The following TAF15 variants were observed in gnomAD, a reference collection of about 807,000 sequenced individuals.
TAF15 encodes the protein TATA-box binding protein associated factor 15.
Under a neutral mutation model 102.5 loss-of-function variants are expected in TAF15, and 37 were observed. That is an observed-to-expected ratio of 0.36 (90% CI 0.28 to 0.47). The LOEUF (loss-of-function observed/expected upper bound fraction) is 0.47, where lower values mean the gene tolerates loss of function less well. Ranked by LOEUF, TAF15 falls within the 20% of genes least tolerant of loss-of-function variation. TAF15 has a pLI of 0.99. For missense variants in TAF15, 652 were observed against 760.7 expected (o/e 0.86, Z 1.68); for synonymous variants, 273 against 259.2 (o/e 1.05, Z -0.51).
intron 6 of TAF15, among the ~76,000 whole-genome samples, chr17:35,823,413 T>TG (rs2087286796): frequency 6.6e-6 from 1 of 151,966 alleles, no homozygotes; most frequent in African/African-American, 2.4e-5. Context: ...CTTTTAAGAT[T>TG]GGGGGGCCGG....
intron 10 of TAF15, among the ~76,000 whole-genome samples, chr17:35,837,669 T>C (rs951136486): frequency 4.0e-5 from 6 of 151,436 alleles, no homozygotes; most frequent in African/African-American, 1.5e-4. Flanking sequence ...CTACTGAAAA[T>C]ACAAGAAATT....
At chr17:35,821,425 G>T (rs540390730) in intron 5 of TAF15, among the ~76,000 whole-genome samples, 27 of 152,318 alleles carry the variant, frequency 1.8e-4, no homozygotes, top group African/African-American at 5.8e-4. Context: ...AGTCTGAAAA[G>T]AAATGTTAAG....
At chr17:35,837,579 G>C (rs1437430227) in intron 10 of TAF15, among the ~76,000 whole-genome samples, 2 of 152,074 alleles carry the variant, frequency 1.3e-5, no homozygotes, top group African/African-American at 4.8e-5. Context: ...TGTAATCCCA[G>C]CACTTTGGGA....
chr17:35,831,450 A>G (rs1340412931), intron 7 of TAF15, among the ~76,000 whole-genome samples: 2 of 151,644 alleles, frequency 1.3e-5, no homozygotes, highest in East Asian at 3.9e-4. Flanking sequence ...TATATGGAGG[A>G]ATAGGAAATC....
At chr17:35,832,691 GT>G (rs1222381602) in intron 7 of TAF15, among the ~76,000 whole-genome samples, 1 of 152,128 alleles carries the variant, frequency 6.6e-6, no homozygotes, top group African/African-American at 2.4e-5. Context: ...AAACTTGAGT[GT>G]TTTTATTGCC....
intron 9 of TAF15, among the ~76,000 whole-genome samples, chr17:35,835,483 T>C (rs1199557609): frequency 6.6e-5 from 10 of 152,234 alleles, no homozygotes; most frequent in African/African-American, 2.2e-4. Flanking sequence ...AGCTAAAAAT[T>C]TGAAATCAGA....
chr17:35,820,258 G>A lies in TAF15; in HGVS notation c.184+10G>A. 1.2e-6 allele frequency: 2 copies of A among 1,614,008 alleles called. No individual in the cohort carries two copies. Among genetic ancestry groups the A allele is most frequent in the South Asian group, 1.1e-5 (1 of 91,078 alleles). On this transcript the variant is annotated intron_variant, in intron 4 of 15. Coordinates refer to ENST00000605844, the MANE Select transcript of TAF15 (RefSeq NM_139215.3). ...GGACAAAGTCAGTCAGGTTGGACTA[G>A]TTTGTTAAATTTGTTGTTTCAGAGA...
rs781238290 is a variant in TAF15 at position 35,844,762 on chromosome 17, G to A, written c.1463G>A (p.Gly488Glu). 1.9e-6 allele frequency: 3 copies of A among 1,612,340 alleles called. No homozygotes were observed. The highest frequency in any genetic ancestry group is 2.2e-5 in the South Asian group (2 of 90,966). Residue 488 changes from glycine to glutamate, a missense_variant, in exon 15 of 16, where the codon GGA becomes GAA. Physicochemically the swap from Gly to Glu is moderately conservative, Grantham distance 98. This residue lies in a region of TAF15 where 368 missense variants were observed against 367.5 expected (regional missense o/e 1.00). Coordinates refer to ENST00000605844, the MANE Select transcript of TAF15 (RefSeq NM_139215.3). ...GGAGGAGATCGAGGTGGCTATGGAG[G>A]AGACCGAGGTGGAGGCTATGGTGGA... ...GYGGDRGGYG[G>E]DRGGGYGGDR...
chr17:35,838,043 C>T (rs1568273728), intron 10 of TAF15, among the ~76,000 whole-genome samples: 2 of 151,810 alleles, frequency 1.3e-5, no homozygotes, highest in African/African-American at 2.4e-5. Context: ...AAAAGCCGGG[C>T]GTGGTGGCAC....
rs113145447 is a variant in TAF15 at position 35,844,691 on chromosome 17, T to G, written c.1392T>G (p.Gly464=). 6.3e-7 allele frequency: 1 copy of G among 1,593,944 alleles called. No individual in the cohort carries two copies. The highest frequency in any genetic ancestry group is 1.1e-5 in the South Asian group (1 of 89,918). Residue 464 remains glycine, a synonymous_variant, in exon 15 of 16, where the codon GGT becomes GGG. Coordinates refer to ENST00000605844, the MANE Select transcript of TAF15 (RefSeq NM_139215.3). ...GTGGGGACAGAGGCGGCGGCTATGG[T>G]GGGGACAGAGGAGGCGGCTATGGAG... ...GYGGDRGGGY[G]GDRGGGYGGD...
chr17:35,826,909 TCATAA>T (rs1598531555), intron 7 of TAF15, among the ~76,000 whole-genome samples: 2 of 151,958 alleles, frequency 1.3e-5, no homozygotes, highest in Non-Finnish European at 2.9e-5. Flanking sequence ...TTTTTATGTG[TCATAA>T]CATCTTTTTA....
chr17:35,843,658 G>T (rs2087574413), intron 12 of TAF15, among the ~76,000 whole-genome samples: 1 of 152,118 alleles, frequency 6.6e-6, no homozygotes, highest in African/African-American at 2.4e-5. Context: ...CCGACATAAT[G>T]CTCAAAGGAA....
At chr17:35,827,335 C>CAAAA (rs745381454) in intron 7 of TAF15, among the ~76,000 whole-genome samples, 1 of 67,086 alleles carries the variant, frequency 1.5e-5, no homozygotes, top group Non-Finnish European at 3.1e-5. Flanking sequence ...GACTCCGTCG[C>CAAAA]AAAAAAAAAA....
chr17:35,820,951 G>A (rs909559945), intron 5 of TAF15, among the ~76,000 whole-genome samples: 2 of 151,972 alleles, frequency 1.3e-5, no homozygotes, highest in Non-Finnish European at 2.9e-5. Context: ...TAAAGAGCTG[G>A]TACTTAATTT....
chr17:35,824,645 A>T (rs2087304401), intron 7 of TAF15, among the ~76,000 whole-genome samples: 1 of 152,222 alleles, frequency 6.6e-6, no homozygotes, highest in Non-Finnish European at 1.5e-5. Context: ...ATGGAGTAGA[A>T]AGGTGGGGAT....
At chr17:35,840,031 T>TA (rs1281223034) in intron 11 of TAF15, among the ~76,000 whole-genome samples, 1 of 152,084 alleles carries the variant, frequency 6.6e-6, no homozygotes, top group Non-Finnish European at 1.5e-5. Flanking sequence ...TATGCCCTGT[T>TA]ACTCCCGTTT....
chr17:35,823,067 T>C (rs1328711688), intron 6 of TAF15, among the ~76,000 whole-genome samples: 1 of 152,198 alleles, frequency 6.6e-6, no homozygotes, highest in Non-Finnish European at 1.5e-5. Flanking sequence ...TTCCTTTTTG[T>C]CTCAGTGAAC....
intron 10 of TAF15, among the ~76,000 whole-genome samples, chr17:35,837,903 G>A (rs1161906181): frequency 6.6e-6 from 1 of 152,154 alleles, no homozygotes; most frequent in African/African-American, 2.4e-5. Flanking sequence ...TAAACTGGAT[G>A]TGGTGGCTGA....
chr17:35,825,421 CTAA>C (rs2087313425), intron 7 of TAF15, among the ~76,000 whole-genome samples: 1 of 152,168 alleles, frequency 6.6e-6, no homozygotes, highest in South Asian at 2.1e-4. Context: ...TACTCTCTAC[CTAA>C]TAATAGCCTC....
Sources: allele counts gnomAD v4.1 joint callset (sites outside exome capture counted in the v4.1 genomes callset), GRCh38; gene constraint gnomAD v4.1.1; regional missense constraint gnomAD v4.1.1; transcripts MANE v1.5; gene names NCBI Gene and HGNC (gene_info 2026-07-23, HGNC 2026-07-21).